Variants in LRRC9 observed in about 807,000 individuals in gnomAD.
LRRC9 encodes the protein leucine rich repeat containing 9, also known as leucine-rich repeat-containing protein 9.
Under a neutral mutation model 63.2 loss-of-function variants are expected in LRRC9, and 122 were observed. That is an observed-to-expected ratio of 1.93 (90% CI 1.67 to 2.24). LRRC9 has a LOEUF of 2.24. LRRC9 is among the 30% of genes most tolerant of loss of function. The pLI is 0.00. For missense variants in LRRC9, 1,071 were observed against 627.7 expected (o/e 1.71, Z -7.55); for synonymous variants, 366 against 213.1 (o/e 1.72, Z -6.25).
At chr14:59,969,125 G>T (rs1315599032) in intron 12 of LRRC9, 1 of 152,062 alleles carries the variant, frequency 6.6e-6, no homozygotes, top group Non-Finnish European at 1.5e-5. Flanking sequence ...ATTTTATTTT[G>T]ATATTTTGAT....
At chr14:59,965,730 A>C (rs1329921996) in intron 10 of LRRC9, among the ~76,000 whole-genome samples, 1 of 151,592 alleles carries the variant, frequency 6.6e-6, no homozygotes, top group Non-Finnish European at 1.5e-5. Flanking sequence ...AAAAACACAA[A>C]AAATTAGCCG....
chr14:60,038,750 C>T (rs538704542), intron 29 of LRRC9, among the ~76,000 whole-genome samples: 12 of 152,206 alleles, frequency 7.9e-5, no homozygotes, highest in East Asian at 3.9e-4. Flanking sequence ...TAACTGAATA[C>T]GCTTTATTTC....
In LRRC9 at chr14:60,058,083, C is replaced by A; in HGVS notation, c.4276+61C>A. ...CACTTAATTTGAAATAAAAATATCA[C>A]TTTAATTTCTAATAGTACTTAAAAT... On this transcript the variant is annotated intron_variant, in intron 31 of 31. Transcript: ENST00000445360. This position sits in a 1 kb window ranked among gnomAD's most constrained non-coding sequence, Gnocchi z 4.4. 1 of 487,514 alleles carries A rather than the reference C, an allele frequency of 2.1e-6. No homozygotes were observed. 30.2% of individuals were successfully genotyped at this position (487,514 alleles called of 1,614,324 possible).
rs1884822634 is a variant in LRRC9 at position 59,966,005 on chromosome 14, T to C, written c.1212-584T>C. Among the ~76,000 whole-genome samples the C allele has an allele frequency of 6.9e-6, 1 of 144,092 alleles. No homozygotes were observed. Among genetic ancestry groups the C allele is most frequent in the African/African-American group, 2.6e-5 (1 of 38,552 alleles). 94.5% of individuals were successfully genotyped at this position (144,092 alleles called of 152,430 possible). A position where few individuals can be genotyped will look rare whatever the true frequency, so the allele number is the denominator to read the frequency against. On this transcript the variant is annotated intron_variant, in intron 10 of 31. Coordinates refer to ENST00000445360, the Ensembl canonical transcript of LRRC9. The surrounding 1 kb of genome is among the most constrained non-coding windows in gnomAD (Gnocchi z 4.0). ...TAAATGGTGGTGCCATATACTGAGA[T>C]GGAAAATACTCAGAGGAGCAGGTTT...
rs1888621524 is a variant in LRRC9 at position 59,919,955 on chromosome 14, C to T, written c.-34+72C>T. 6.6e-6 allele frequency: 1 copy of T among 152,252 alleles called. No individual in the cohort carries two copies. Among genetic ancestry groups the T allele is most frequent in the African/African-American group, 2.4e-5 (1 of 41,466 alleles). 9.4% of individuals were successfully genotyped at this position (152,252 alleles called of 1,614,324 possible). A position where few individuals can be genotyped will look rare whatever the true frequency, so the allele number is the denominator to read the frequency against. ...AGCTCCCGCCGTTTCCCAGGAGCCC[C>T]AGGTGGGGTCTTCCGGTTGGACCCC... On this transcript the variant is annotated intron_variant, in intron 1 of 31. Transcript: ENST00000445360. The surrounding 1 kb of genome is among the most constrained non-coding windows in gnomAD (Gnocchi z 4.5).
rs1371573130 is a variant in LRRC9 at position 60,031,715 on chromosome 14, A to G, written c.3922-280A>G. 6.6e-6 allele frequency among the ~76,000 whole-genome samples: 1 copy of G among 152,104 alleles called. No individual in the cohort carries two copies. The highest frequency in any genetic ancestry group is 2.1e-4 in the South Asian group (1 of 4,832). On this transcript the variant is annotated intron_variant, in intron 28 of 31. Transcript: ENST00000445360. The surrounding 1 kb of genome is among the most constrained non-coding windows in gnomAD (Gnocchi z 4.6). Reference sequence around the variant, plus strand: ...TATAATATGAGTCCTAGAATAAATCATAATTCTGAGAAAAAAATTTGATCT... The same window carrying G: ...TATAATATGAGTCCTAGAATAAATCGTAATTCTGAGAAAAAAATTTGATCT...
At chr14:59,965,699 C>G (rs1240290627) in intron 10 of LRRC9, among the ~76,000 whole-genome samples, 11 of 151,574 alleles carry the variant, frequency 7.3e-5, no homozygotes, top group Non-Finnish European at 1.5e-5. Flanking sequence ...CTGGCTAACA[C>G]GGTGAAACCC....
At position 59,958,310 on chromosome 14, in the gene LRRC9, G is replaced by T. The variant is rs1449679026; in HGVS notation, c.883-1508G>T. ...GTTTTTGTGTGTAAACCCCTTACTG[G>T]GGCTGTTACCTTTCCTTGAGAGATG... On this transcript the variant is annotated intron_variant, in intron 8 of 31. Coordinates refer to ENST00000445360, the Ensembl canonical transcript of LRRC9. The surrounding 1 kb of genome is among the most constrained non-coding windows in gnomAD (Gnocchi z 4.0). Among the ~76,000 whole-genome samples, 3 of 152,286 alleles carry T rather than the reference G, an allele frequency of 2.0e-5. No homozygotes were observed. Among genetic ancestry groups the T allele is most frequent in the African/African-American group, 7.2e-5 (3 of 41,574 alleles).
chr14:59,920,081 C>T (rs897445210), intron 1 of LRRC9, 63 bp from the exon 1 acceptor site: 2 of 151,848 alleles, frequency 1.3e-5, no homozygotes, highest in South Asian at 2.1e-4. Context: ...CCCCTTTTCT[C>T]CTCCTCCCCA....
intron 29 of LRRC9, among the ~76,000 whole-genome samples, chr14:60,039,550 T>C (rs1892754873): frequency 6.6e-6 from 1 of 152,224 alleles, no homozygotes; most frequent in African/African-American, 2.4e-5. Context: ...TTTATTTGCA[T>C]AGAGGTGTTT....
Position 59,936,095 on chromosome 14 carries a change from C to T in LRRC9, c.544-2295C>T, listed in dbSNP as rs1449280685. ...TTTGGTGAAATAACAATGTAAAGTA[C>T]CTAAATAGTGACCAGCACATAGTAA... On this transcript the variant is annotated intron_variant, in intron 6 of 31. Coordinates refer to ENST00000445360, the Ensembl canonical transcript of LRRC9. This position sits in a 1 kb window ranked among gnomAD's most constrained non-coding sequence, Gnocchi z 4.2. Among the ~76,000 whole-genome samples, 1 of 152,036 alleles carries T rather than the reference C, an allele frequency of 6.6e-6. No individual in the cohort carries two copies. The highest frequency in any genetic ancestry group is 1.5e-5 in the Non-Finnish European group (1 of 67,992).
In LRRC9 at chr14:59,931,570, T is replaced by C. The variant is rs1345002277; in HGVS notation, c.409-49T>C. 13 of 680,176 alleles carry C rather than the reference T, an allele frequency of 1.9e-5. No individual in the cohort carries two copies. In the Admixed American group the frequency reaches 2.6e-4, roughly 14 times the overall value. The allele number at this position is 680,176 out of a possible 1,614,324, so 42.1% of individuals were successfully genotyped here. A position where few individuals can be genotyped will look rare whatever the true frequency, so the allele number is the denominator to read the frequency against. On this transcript the variant is annotated intron_variant, in intron 4 of 31. Transcript: ENST00000445360. ...AGATTAATCAGAGATGATTTGTAAA[T>C]GTTAATTTTAATTATCTGTTCTAAA...
chr14:60,006,117 G>T (rs2140227299), intron 21 of LRRC9, among the ~76,000 whole-genome samples: 1 of 152,132 alleles, frequency 6.6e-6, no homozygotes, highest in Non-Finnish European at 1.5e-5. Context: ...TTATTTGAAA[G>T]AGAAATTCAA....
In LRRC9 at chr14:59,962,983, C is replaced by T. The variant is rs1175154447; in HGVS notation, c.1211+1938C>T. On this transcript the variant is annotated intron_variant, in intron 10 of 31. Coordinates refer to ENST00000445360, the Ensembl canonical transcript of LRRC9. The surrounding 1 kb of genome is among the most constrained non-coding windows in gnomAD (Gnocchi z 5.1). Reference sequence around the variant, plus strand: ...TTAAAGTACTGTTTTTTAGTTTTAGCATACTGCAAGCTTGGCTACTTTTCC... The same window carrying T: ...TTAAAGTACTGTTTTTTAGTTTTAGTATACTGCAAGCTTGGCTACTTTTCC... 4.1e-4 allele frequency among the ~76,000 whole-genome samples: 63 copies of T among 152,086 alleles called. No individual in the cohort carries two copies. Among genetic ancestry groups the T allele is most frequent in the Admixed American group, 4.1e-3 (63 of 15,264 alleles).
At chr14:59,984,842 C>T (rs1887290795) in intron 16 of LRRC9, among the ~76,000 whole-genome samples, 1 of 152,198 alleles carries the variant, frequency 6.6e-6, no homozygotes, top group African/African-American at 2.4e-5. Flanking sequence ...ACGCCAATTG[C>T]TGACAAACTT....
rs1163262745 is a variant in LRRC9 at position 60,036,804 on chromosome 14, T to A, written c.3990+4741T>A. Reference sequence around the variant, plus strand: ...TATATACTTTAAGTTCTAGGGTACATGTGCACAACGTGCAAGTTTGTTACA... The same window carrying A: ...TATATACTTTAAGTTCTAGGGTACAAGTGCACAACGTGCAAGTTTGTTACA... On this transcript the variant is annotated intron_variant, in intron 29 of 31. Coordinates refer to ENST00000445360, the Ensembl canonical transcript of LRRC9. 1.3e-5 allele frequency among the ~76,000 whole-genome samples: 2 copies of A among 152,122 alleles called. 1 individual carries two copies. The highest frequency in any genetic ancestry group is 4.1e-4 in the South Asian group (2 of 4,826).
In LRRC9 at chr14:59,994,230, C is replaced by T. The variant is rs534372817; in HGVS notation, c.2212-3426C>T. Among the ~76,000 whole-genome samples the T allele has an allele frequency of 4.3e-4, 66 of 152,208 alleles. 1 individual carries two copies. In the South Asian group the frequency reaches 0.012, roughly 27 times the overall value. ...TGAACAGACACTTCTCAAAAGAAGA[C>T]ATTTATGCAACCAAAAGACACAGGA... is the stretch of plus-strand genomic sequence containing the variant. On this transcript the variant is annotated intron_variant, in intron 17 of 31. Coordinates refer to ENST00000445360, the Ensembl canonical transcript of LRRC9.
chr14:60,049,744 CTT>C (rs1893738435), intron 29 of LRRC9, among the ~76,000 whole-genome samples: 1 of 151,960 alleles, frequency 6.6e-6, no homozygotes, highest in Non-Finnish European at 1.5e-5. Flanking sequence ...TGGGGTTGAT[CTT>C]TTTATGGAGT....
intron 3 of LRRC9, among the ~76,000 whole-genome samples, chr14:59,929,315 GA>G (rs1313757674): frequency 2.0e-5 from 3 of 151,434 alleles, no homozygotes; most frequent in African/African-American, 7.3e-5. Flanking sequence ...ACAAGCATAA[GA>G]AAAAAAGTTT....
Sources: allele counts gnomAD v4.1 joint callset (sites outside exome capture counted in the v4.1 genomes callset), GRCh38; gene constraint gnomAD v4.1.1; non-coding constraint Gnocchi (gnomAD v3.1); transcripts MANE v1.5; gene names NCBI Gene and HGNC (gene_info 2026-07-23, HGNC 2026-07-21).